Variants in DBX2 observed in about 807,000 individuals in gnomAD.
The protein encoded by DBX2 is homeobox protein DBX2.
DBX2 carries 16 observed loss-of-function variants against 17.7 expected under a neutral mutation model. The observed-to-expected ratio is 0.90, with a 90% CI of 0.61 to 1.37. DBX2 has a LOEUF of 1.37. Among genes scored for constraint, DBX2 ranks in the 40% most tolerant of loss-of-function variants. The pLI, the probability that DBX2 is intolerant of heterozygous loss-of-function variation, is 0.00. For synonymous variants in DBX2, 255 were observed against 183.8 expected (o/e 1.39, Z -3.13); for missense variants, 538 against 433.8 (o/e 1.24, Z -2.13).
Position 45,028,850 on chromosome 12 carries a change from C to T in DBX2, c.500-4956G>A, listed in dbSNP as rs1946394739. 2.0e-5 allele frequency among the ~76,000 whole-genome samples: 3 copies of T among 152,194 alleles called. No homozygotes were observed. The South Asian group carries it at 6.2e-4, about 31-fold the overall frequency. ...TCCTTCTTTACTAGTTGCCTGGTTT[C>T]TCTTAGCACTGGTCCCAATACACAA... On this transcript the variant is annotated intron_variant, in intron 2 of 3. Transcript: ENST00000332700.
chr12:45,040,796 GT>G (rs1390093330), intron 1 of DBX2, among the ~76,000 whole-genome samples: 2 of 151,928 alleles, frequency 1.3e-5, no homozygotes, highest in Non-Finnish European at 2.9e-5. Flanking sequence ...TTTTTAAATT[GT>G]TTTTGTCCTT....
chr12:45,030,553 ATGGCAC>A (rs11277831), intron 2 of DBX2, among the ~76,000 whole-genome samples: 7,238 of 152,160 alleles, frequency 0.048, 541 homozygotes, highest in African/African-American at 0.16. Context: ...AGCACCTGCC[ATGGCAC>A]TGGCCTTCTC....
intron 2 of DBX2, among the ~76,000 whole-genome samples, chr12:45,027,047 T>C (rs1946385245): frequency 6.6e-6 from 1 of 152,242 alleles, no homozygotes; most frequent in African/African-American, 2.4e-5. Flanking sequence ...TATCTCAATA[T>C]GTGCATCTTT....
intron 1 of DBX2, among the ~76,000 whole-genome samples, chr12:45,049,099 A>C (rs886389019): frequency 1.3e-5 from 2 of 152,200 alleles, no homozygotes; most frequent in Non-Finnish European, 2.9e-5. Flanking sequence ...TTTAAATGTA[A>C]TCTGTGAAAT....
rs774894428 is a variant in DBX2 at position 45,050,627 on chromosome 12, T to G, written c.301A>C (p.Thr101Pro). Residue 101 changes from threonine to proline, a missense_variant, in exon 1 of 4, where the codon ACG becomes CCG. By Grantham distance (38) the Thr-to-Pro change is conservative. Transcript: ENST00000332700. ...CTGAGCACTTGAAAAGCCCACCGCG[T>G]TCCGTAGGGCGCCCCGGCGGGGCTA... ...QVSPAGAPYG[T>P]RWAFQVLSPS... The G allele has an allele frequency of 2.9e-5, 45 of 1,550,152 alleles. No individual in the cohort carries two copies. Among genetic ancestry groups the G allele is most frequent in the Non-Finnish European group, 3.8e-5 (44 of 1,147,092 alleles).
At chr12:45,032,093 T>C (rs1946413731) in intron 2 of DBX2, among the ~76,000 whole-genome samples, 1 of 147,190 alleles carries the variant, frequency 6.8e-6, no homozygotes, top group Non-Finnish European at 1.5e-5. Flanking sequence ...ATACTTTCAC[T>C]GCCTCTCTAG....
chr12:45,040,165 G>A (rs1946463696), intron 1 of DBX2, among the ~76,000 whole-genome samples: 1 of 152,128 alleles, frequency 6.6e-6, no homozygotes, highest in South Asian at 2.1e-4. Flanking sequence ...TGCCAGTGCA[G>A]ATAGAATATA....
intron 3 of DBX2, among the ~76,000 whole-genome samples, chr12:45,020,581 G>A (rs1946346264): frequency 6.6e-6 from 1 of 151,716 alleles, no homozygotes; most frequent in Non-Finnish European, 1.5e-5. Flanking sequence ...AGATCTGTGA[G>A]CTGGATATAC....
intron 2 of DBX2, among the ~76,000 whole-genome samples, chr12:45,026,412 C>T (rs1946381743): frequency 1.3e-5 from 2 of 152,182 alleles, no homozygotes; most frequent in Non-Finnish European, 2.9e-5. Flanking sequence ...TTAATTCTCA[C>T]ATTGAATCTA....
intron 1 of DBX2, among the ~76,000 whole-genome samples, chr12:45,039,362 T>A (rs930031432): frequency 2.0e-5 from 3 of 147,788 alleles, no homozygotes; most frequent in Non-Finnish European, 4.5e-5. Flanking sequence ...ATACTTTTTT[T>A]AAGTAATGAC....
chr12:45,026,589 A>C (rs2544101), intron 2 of DBX2, among the ~76,000 whole-genome samples: 1 of 152,006 alleles, frequency 6.6e-6, no homozygotes, highest in African/African-American at 2.4e-5. Flanking sequence ...ACTGGCATAA[A>C]CTGATTTGTA....
Position 45,016,595 on chromosome 12 carries a change from CCTGTT to C in DBX2, c.706_710del (p.Asn236GlufsTer89). On this transcript the variant is annotated frameshift_variant, in exon 4 of 4. Transcript: ENST00000332700. LOFTEE classifies it low-confidence loss of function (END_TRUNC). Reference sequence around the variant, plus strand: ...CTTTGGAATTCCGCCATTTCATCCTCCTGTTCTGAAACCAAATTTTCACCTATTGA... The same window carrying C: ...CTTTGGAATTCCGCCATTTCATCCTCCTGAAACCAAATTTTCACCTATTGA... 1.3e-6 allele frequency: 2 copies of C among 1,532,274 alleles called. No individual in the cohort carries two copies. Among genetic ancestry groups the C allele is most frequent in the South Asian group, 2.6e-5 (2 of 76,602 alleles). 94.9% of individuals were successfully genotyped at this position (1,532,274 alleles called of 1,614,324 possible).
chr12:45,037,201 T>G (rs1211872360), intron 1 of DBX2, among the ~76,000 whole-genome samples: 1 of 152,176 alleles, frequency 6.6e-6, no homozygotes, highest in Non-Finnish European at 1.5e-5. Flanking sequence ...TCTCCATTAT[T>G]GAGCACTTAC....
intron 3 of DBX2, among the ~76,000 whole-genome samples, chr12:45,019,881 G>C (rs763765626): frequency 5.9e-5 from 9 of 152,068 alleles, no homozygotes; most frequent in African/African-American, 1.4e-4. Flanking sequence ...ATGAATTGTG[G>C]TATACTACAT....
At chr12:45,035,566 T>C (rs1946435541) in intron 2 of DBX2, among the ~76,000 whole-genome samples, 1 of 152,166 alleles carries the variant, frequency 6.6e-6, no homozygotes, top group African/African-American at 2.4e-5. Context: ...AAAGGAGAGA[T>C]TTATCTCCTC....
chr12:45,023,556 G>C lies in DBX2; in HGVS notation c.687+151C>G. ...ACCTCAGGCTCCAGTACCATGCCTG[G>C]TATAAGAAATATTTGCTAAATAAAT... is the stretch of plus-strand genomic sequence containing the variant. On this transcript the variant is annotated intron_variant, in intron 3 of 3. Coordinates refer to ENST00000332700, the MANE Select transcript of DBX2 (RefSeq NM_001004329.3). 6.3e-6 allele frequency: 6 copies of C among 956,300 alleles called. No individual in the cohort carries two copies. The South Asian group carries it at 9.7e-5, about 15-fold the overall frequency. The allele number at this position is 956,300 out of a possible 1,614,324, so 59.2% of individuals were successfully genotyped here.
chr12:45,044,336 A>T (rs142793545), intron 1 of DBX2, among the ~76,000 whole-genome samples: 358 of 152,264 alleles, frequency 2.4e-3, no homozygotes, highest in African/African-American at 7.9e-3. Context: ...CACGGTTTTT[A>T]TTCCTTTTTT....
At chr12:45,035,413 G>T (rs1446983839) in intron 2 of DBX2, among the ~76,000 whole-genome samples, 3 of 152,160 alleles carry the variant, frequency 2.0e-5, no homozygotes, top group Non-Finnish European at 4.4e-5. Flanking sequence ...GAGAGTGTGT[G>T]TGTGCACACT....
At position 45,016,372 on chromosome 12, in the gene DBX2, G is replaced by A. The variant is rs1310813259; in HGVS notation, c.934C>T (p.Pro312Ser). ...LIQESSGAPP[P>S]EANSLQGALY... ...GCACCTTGCAGTGAATTTGCTTCTG[G>A]GGGTGGTGCCCCTGAACTCTCCTGG... The change falls in exon 4 of 4, where the codon CCA (proline) becomes TCA (serine). Residue 312 changes from proline to serine, a missense_variant. Physicochemically the swap from Pro to Ser is moderately conservative, Grantham distance 74 (BLOSUM62 -1). Coordinates refer to ENST00000332700, the MANE Select transcript of DBX2 (RefSeq NM_001004329.3). 1.2e-6 allele frequency: 2 copies of A among 1,613,406 alleles called. No homozygotes were observed. Among genetic ancestry groups the A allele is most frequent in the Non-Finnish European group, 8.5e-7 (1 of 1,179,782 alleles).
Sources: gnomAD v4.1 joint callset for allele counts (sites outside exome capture counted in the v4.1 genomes callset) on GRCh38, gnomAD v4.1.1 for gene constraint, MANE v1.5 for transcripts, NCBI Gene and HGNC (gene_info 2026-07-23, HGNC 2026-07-21) for gene names.